Variants in CECR2 observed in about 807,000 individuals in gnomAD.
CECR2 encodes the protein chromatin remodeling regulator CECR2.
In CECR2, 30 loss-of-function variants were observed where a neutral mutation model predicts 154.5. The ratio of observed to expected loss-of-function variants is 0.19; its 90% CI spans 0.15 to 0.26. The LOEUF (loss-of-function observed/expected upper bound fraction) is 0.26. CECR2 is among the 10% of genes least tolerant of loss of function. The pLI, the probability that CECR2 is intolerant of heterozygous loss-of-function variation, is 1.00. For synonymous variants in CECR2, 725 were observed against 683.7 expected, an observed-to-expected ratio of 1.06 and a Z score of -0.94; for missense variants, 1,743 against 1,829.3, an observed-to-expected ratio of 0.95 and a Z score of 0.86.
chr22:17,528,644 C>T (rs1355230413), intron 9 of CECR2, among the ~76,000 whole-genome samples: 2 of 151,976 alleles, frequency 1.3e-5, no homozygotes, highest in Non-Finnish European at 2.9e-5. Flanking sequence ...CAAGTGATTA[C>T]CATGCCTCAG....
chr22:17,517,379 C>G (rs1218771476), intron 8 of CECR2, among the ~76,000 whole-genome samples: 1 of 152,172 alleles, frequency 6.6e-6, no homozygotes, highest in Non-Finnish European at 1.5e-5. Context: ...AGCCTCTTTG[C>G]TTCATATATC....
chr22:17,509,019 G>A (rs1026088241), intron 7 of CECR2, among the ~76,000 whole-genome samples: 1 of 152,198 alleles, frequency 6.6e-6, no homozygotes, highest in Non-Finnish European at 1.5e-5. Context: ...GGGAGGCCGA[G>A]GCGGGTGGAT....
At chr22:17,545,935 G>A (rs941414243) in intron 16 of CECR2, among the ~76,000 whole-genome samples, 2 of 151,348 alleles carry the variant, frequency 1.3e-5, no homozygotes, top group Non-Finnish European at 2.9e-5. Context: ...ACCTGTAATC[G>A]CAACTACTTG....
intron 1 of CECR2, among the ~76,000 whole-genome samples, chr22:17,406,911 G>A (rs765183413): frequency 1.6e-4 from 24 of 152,144 alleles, no homozygotes; most frequent in African/African-American, 4.1e-4. Flanking sequence ...ATTCTCGTGC[G>A]AAAATGGAGG....
intron 9 of CECR2, among the ~76,000 whole-genome samples, chr22:17,535,099 C>T (rs1283783126): frequency 2.0e-5 from 3 of 150,880 alleles, no homozygotes; most frequent in African/African-American, 4.9e-5. Flanking sequence ...CGCAGTGAGG[C>T]GAGATCGCAC....
rs76738280 is a variant in CECR2 at position 17,373,345 on chromosome 22, A to G, written c.126+3436A>G. Reference sequence around the variant, plus strand: ...GTTTTAGATAAGAAACCTGCCAAGTATATAATAGTAATGCCTTATCTCAGT... The same window carrying G: ...GTTTTAGATAAGAAACCTGCCAAGTGTATAATAGTAATGCCTTATCTCAGT... On this transcript the variant is annotated intron_variant, in intron 1 of 18. Coordinates refer to ENST00000262608, the MANE Select transcript of CECR2 (RefSeq NM_001290047.2). Among the ~76,000 whole-genome samples, 1,060 of 152,350 alleles carry G rather than the reference A, an allele frequency of 7.0e-3. 10 individuals are homozygous for G. The highest frequency in any genetic ancestry group is 0.024 in the African/African-American group (1,008 of 41,572).
Position 17,552,882 on chromosome 22 carries a change from C to G in CECR2, c.*42C>G, listed in dbSNP as rs771483309. On this transcript the variant is annotated 3_prime_UTR_variant, in exon 19 of 19. Transcript: ENST00000262608. ...GCCCCAAGCAATGGAAAGCTGCACACGAAGACTGGAATGTGGAGAACTGGG... is the reference window on the plus strand; with the variant it reads ...GCCCCAAGCAATGGAAAGCTGCACAGGAAGACTGGAATGTGGAGAACTGGG... The G allele has an allele frequency of 7.8e-6, 12 of 1,543,402 alleles. No individual in the cohort carries two copies. Among genetic ancestry groups the G allele is most frequent in the East Asian group, 4.9e-5 (2 of 40,764 alleles).
At chr22:17,509,213 T>C (rs914804221) in intron 7 of CECR2, among the ~76,000 whole-genome samples, 1 of 151,784 alleles carries the variant, frequency 6.6e-6, no homozygotes, top group Non-Finnish European at 1.5e-5. Context: ...ATCGCACCAC[T>C]GCACTCCAGC....
At chr22:17,541,798 CT>C (rs759715834) in intron 14 of CECR2, 40 bp from the exon 15 acceptor site, 2 of 1,575,676 alleles carry the variant, frequency 1.3e-6, no homozygotes, top group East Asian at 2.3e-5. Context: ...AAGTCTGTGC[CT>C]TTCCTTTTTC....
intron 1 of CECR2, among the ~76,000 whole-genome samples, chr22:17,387,891 A>G (rs1399629347): frequency 1.3e-5 from 2 of 152,058 alleles, no homozygotes; most frequent in African/African-American, 4.8e-5. Flanking sequence ...GTTTTTAATC[A>G]TTAGACTTCT....
At chr22:17,440,246 C>A (rs2054565202) in intron 1 of CECR2, among the ~76,000 whole-genome samples, 1 of 151,844 alleles carries the variant, frequency 6.6e-6, no homozygotes, top group African/African-American at 2.4e-5. Flanking sequence ...TGTATTTATT[C>A]ACATCATTTT....
chr22:17,437,695 G>A (rs1435115674), intron 1 of CECR2, among the ~76,000 whole-genome samples: 1 of 151,872 alleles, frequency 6.6e-6, no homozygotes, highest in Admixed American at 6.6e-5. Context: ...GTGTCACACT[G>A]TTGACCATAG....
chr22:17,430,447 T>G (rs919866607), intron 1 of CECR2, among the ~76,000 whole-genome samples: 1 of 152,170 alleles, frequency 6.6e-6, no homozygotes. Context: ...AGCCAATTTA[T>G]TCTCCATCAG....
intron 1 of CECR2, among the ~76,000 whole-genome samples, chr22:17,420,466 G>GT (rs1207272223): frequency 2.0e-5 from 3 of 152,114 alleles, no homozygotes; most frequent in Non-Finnish European, 2.9e-5. Flanking sequence ...AGTCAAGCCT[G>GT]TAGGGTATCT....
chr22:17,441,115 A>T (rs182169939), intron 1 of CECR2, among the ~76,000 whole-genome samples: 204 of 152,154 alleles, frequency 1.3e-3, no homozygotes, highest in African/African-American at 4.8e-3. Context: ...CGCCCGGCTA[A>T]TTTTTATATT....
intron 16 of CECR2, among the ~76,000 whole-genome samples, chr22:17,546,942 G>T (rs1419331982): frequency 6.7e-6 from 1 of 148,718 alleles, no homozygotes; most frequent in East Asian, 2.0e-4. Flanking sequence ...GGGAGTCTGG[G>T]TCATGAGAGT....
chr22:17,456,063 A>T (rs757720500), intron 1 of CECR2, among the ~76,000 whole-genome samples: 2 of 152,204 alleles, frequency 1.3e-5, no homozygotes, highest in Non-Finnish European at 2.9e-5. Flanking sequence ...TATTTTAAAT[A>T]TTTAACTATT....
At position 17,552,092 on chromosome 22, in the gene CECR2, T is replaced by A; in HGVS notation, c.4339T>A (p.Ser1447Thr). ...CCCAAAGACCCCCACAGCAGCAACATCACAGGAGGAGGTGCCGCCTCATAA... is the reference window on the plus strand; with the variant it reads ...CCCAAAGACCCCCACAGCAGCAACAACACAGGAGGAGGTGCCGCCTCATAA... ...SFPKTPTAAT[S>T]QEEVPPHKPP... Residue 1447 changes from serine (S) to threonine (T), a missense_variant, in exon 18 of 19, where the codon TCA (serine) becomes ACA (threonine). Physicochemically the swap from Ser to Thr is moderately conservative, Grantham distance 58 (BLOSUM62 1). Transcript: ENST00000262608. 6.2e-7 allele frequency: 1 copy of A among 1,613,968 alleles called. No individual in the cohort carries two copies. Among genetic ancestry groups the A allele is most frequent in the Non-Finnish European group, 8.5e-7 (1 of 1,179,894 alleles).
chr22:17,509,207 C>T (rs1367865742), intron 7 of CECR2, among the ~76,000 whole-genome samples: 1 of 151,924 alleles, frequency 6.6e-6, no homozygotes, highest in Non-Finnish European at 1.5e-5. Flanking sequence ...GATGAGATCG[C>T]ACCACTGCAC....
Sources: gnomAD v4.1 joint callset for allele counts (sites outside exome capture counted in the v4.1 genomes callset) on GRCh38, gnomAD v4.1.1 for gene constraint, MANE v1.5 for transcripts, NCBI Gene and HGNC (gene_info 2026-07-23, HGNC 2026-07-21) for gene names.